Variants in ZFPM2 observed in about 807,000 individuals in gnomAD.
ZFPM2 encodes zinc finger protein ZFPM2.
ZFPM2 carries 20 observed loss-of-function variants against 98.6 expected under a neutral mutation model. The observed-to-expected ratio is 0.20, with a 90% CI of 0.14 to 0.29. The LOEUF (loss-of-function observed/expected upper bound fraction) is 0.29. Ranked by LOEUF, ZFPM2 falls within the 10% of genes least tolerant of loss-of-function variation. ZFPM2 has a pLI of 1.00. For missense variants in ZFPM2, 1,310 were observed against 1,388.6 expected (o/e 0.94, Z 0.90); for synonymous variants, 518 against 502.7 (o/e 1.03, Z -0.41).
At chr8:105,343,705 A>G (rs770311278) in intron 1 of ZFPM2, among the ~76,000 whole-genome samples, 48 of 152,126 alleles carry the variant, frequency 3.2e-4, no homozygotes, top group Non-Finnish European at 5.7e-4. Context: ...CTGGTTAACC[A>G]CTTGCTACAT....
At chr8:105,398,871 A>G (rs1811277632) in intron 1 of ZFPM2, among the ~76,000 whole-genome samples, 1 of 152,164 alleles carries the variant, frequency 6.6e-6, no homozygotes, top group African/African-American at 2.4e-5. Context: ...TCACAATAAA[A>G]ACTGTGCTGA....
intron 3 of ZFPM2, among the ~76,000 whole-genome samples, chr8:105,473,288 C>G (rs896269551): frequency 6.6e-6 from 1 of 152,080 alleles, no homozygotes; most frequent in African/African-American, 2.4e-5. Flanking sequence ...GACCTCATGC[C>G]AACAGTAGTT....
chr8:105,472,535 C>G (rs1235517110), intron 3 of ZFPM2, among the ~76,000 whole-genome samples: 1 of 152,108 alleles, frequency 6.6e-6, no homozygotes, highest in Non-Finnish European at 1.5e-5. Flanking sequence ...CGGAGTCTCA[C>G]TCTGTCGCCC....
At chr8:105,783,909 T>C (rs1281611328) in intron 5 of ZFPM2, among the ~76,000 whole-genome samples, 1 of 152,164 alleles carries the variant, frequency 6.6e-6, no homozygotes, top group Non-Finnish European at 1.5e-5. Context: ...TATCCAAAAG[T>C]AGAATTGCTA....
At chr8:105,373,168 G>A (rs1297836933) in intron 1 of ZFPM2, among the ~76,000 whole-genome samples, 4 of 152,260 alleles carry the variant, frequency 2.6e-5, no homozygotes, top group Admixed American at 1.3e-4. Context: ...CGTGATTGGC[G>A]TTTTTCTTAT....
At chr8:105,353,366 A>G (rs994106413) in intron 1 of ZFPM2, among the ~76,000 whole-genome samples, 2 of 152,102 alleles carry the variant, frequency 1.3e-5, no homozygotes, top group African/African-American at 4.8e-5. Flanking sequence ...GTGACTGGTT[A>G]TCACCATATT....
intron 4 of ZFPM2, among the ~76,000 whole-genome samples, chr8:105,608,797 G>C (rs1816248486): frequency 6.6e-6 from 1 of 152,016 alleles, no homozygotes; most frequent in South Asian, 2.1e-4. Flanking sequence ...ATAGATTTGA[G>C]AGTCATTTGC....
At chr8:105,760,549 A>T (rs1410099723) in intron 5 of ZFPM2, among the ~76,000 whole-genome samples, 1 of 152,120 alleles carries the variant, frequency 6.6e-6, no homozygotes, top group Non-Finnish European at 1.5e-5. Context: ...GTTCAAAAAA[A>T]TTATGCAGGA....
intron 4 of ZFPM2, among the ~76,000 whole-genome samples, chr8:105,603,895 A>G (rs1816144029): frequency 6.6e-6 from 1 of 151,952 alleles, no homozygotes; most frequent in Non-Finnish European, 1.5e-5. Context: ...ACCTTACTGA[A>G]TGCACCTTCT....
At chr8:105,771,647 C>T (rs771687704) in intron 5 of ZFPM2, among the ~76,000 whole-genome samples, 5 of 152,206 alleles carry the variant, frequency 3.3e-5, no homozygotes, top group Non-Finnish European at 7.4e-5. Flanking sequence ...TGAGATTTTG[C>T]CGTTCATTCC....
rs569368710 is a variant in ZFPM2, at chr8:105,567,668, G to A, written c.420+6187G>A. 6.6e-5 allele frequency among the ~76,000 whole-genome samples: 10 copies of A among 152,076 alleles called. No homozygotes were observed. The South Asian group carries it at 2.1e-3, about 32-fold the overall frequency. On this transcript the variant is annotated intron_variant, in intron 4 of 7. Transcript: ENST00000407775. ...ATGTAATAATGAAATAAATTTAAAAGCAATATCCAAATTATTATTGAGATT... is the reference window on the plus strand; with the variant it reads ...ATGTAATAATGAAATAAATTTAAAAACAATATCCAAATTATTATTGAGATT...
intron 3 of ZFPM2, among the ~76,000 whole-genome samples, chr8:105,494,014 A>G (rs1427673863): frequency 2.0e-5 from 3 of 151,040 alleles, no homozygotes; most frequent in Admixed American, 1.3e-4. Flanking sequence ...TCTCTTTCCC[A>G]TACCCTTGAA....
At chr8:105,447,589 A>G (rs1812401204) in intron 3 of ZFPM2, among the ~76,000 whole-genome samples, 1 of 152,146 alleles carries the variant, frequency 6.6e-6, no homozygotes, top group South Asian at 2.1e-4. Context: ...GTATTGAAAC[A>G]GATTTCGATT....
intron 5 of ZFPM2, among the ~76,000 whole-genome samples, chr8:105,735,866 G>A (rs1483720509): frequency 6.6e-6 from 1 of 151,898 alleles, no homozygotes; most frequent in Admixed American, 6.6e-5. Context: ...GCAATGTGTA[G>A]CAAGCTGTAT....
chr8:105,728,924 C>T (rs997580068), intron 5 of ZFPM2, among the ~76,000 whole-genome samples: 5 of 151,780 alleles, frequency 3.3e-5, no homozygotes, highest in African/African-American at 9.6e-5. Flanking sequence ...TACATCATCT[C>T]ATTTAATTTG....
At chr8:105,432,711 T>C (rs187367056) in intron 2 of ZFPM2, among the ~76,000 whole-genome samples, 1 of 152,264 alleles carries the variant, frequency 6.6e-6, no homozygotes, top group Non-Finnish European at 1.5e-5. Flanking sequence ...TGATATTAGA[T>C]ACAGTGAGAC....
chr8:105,410,525 T>A (rs1811556095), intron 1 of ZFPM2, among the ~76,000 whole-genome samples: 1 of 151,938 alleles, frequency 6.6e-6, no homozygotes, highest in South Asian at 2.1e-4. Flanking sequence ...TAAAACATCC[T>A]TTTATACCTA....
chr8:105,596,248 G>T (rs536625660), intron 4 of ZFPM2, among the ~76,000 whole-genome samples: 1 of 152,056 alleles, frequency 6.6e-6, no homozygotes, highest in Non-Finnish European at 1.5e-5. Flanking sequence ...AATCAATGAA[G>T]AGGAAGTCAG....
chr8:105,424,108 C>G (rs1229401454), intron 2 of ZFPM2, among the ~76,000 whole-genome samples: 1 of 152,148 alleles, frequency 6.6e-6, no homozygotes, highest in African/African-American at 2.4e-5. Flanking sequence ...AGAATTTATT[C>G]ATGAAACCAA....
Sources: gnomAD v4.1 joint callset for allele counts (sites outside exome capture counted in the v4.1 genomes callset) on GRCh38, gnomAD v4.1.1 for gene constraint, MANE v1.5 for transcripts, NCBI Gene and HGNC (gene_info 2026-07-23, HGNC 2026-07-21) for gene names.